The following ABCC1 variants were observed in gnomAD, a reference collection of about 807,000 sequenced individuals.
ABCC1 encodes the protein ATP binding cassette subfamily C member 1 (ABCC1 blood group), also known as multidrug resistance-associated protein 1.
In ABCC1, 83 loss-of-function variants were observed where a neutral mutation model predicts 172.9. The observed-to-expected ratio is 0.48, with a 90% CI of 0.40 to 0.58. The LOEUF (loss-of-function observed/expected upper bound fraction) is 0.58, where lower values mean the gene tolerates loss of function less well. ABCC1 is among the 20% of genes least tolerant of loss of function. The pLI, the probability that ABCC1 is intolerant of heterozygous loss-of-function variation, is 0.00. For missense variants in ABCC1, 1,817 were observed against 2,002.7 expected (o/e 0.91, Z 1.77); for synonymous variants, 937 against 825.2 (o/e 1.14, Z -2.32).
At chr16:16,075,726 C>T (rs2050533478) in intron 14 of ABCC1, among the ~76,000 whole-genome samples, 1 of 152,194 alleles carries the variant, frequency 6.6e-6, no homozygotes, top group Admixed American at 6.5e-5. Context: ...TGTTCCGTAT[C>T]CTCTTTTTTT....
chr16:15,986,625 A>G (rs2046750702), intron 1 of ABCC1, among the ~76,000 whole-genome samples: 1 of 152,226 alleles, frequency 6.6e-6, no homozygotes, highest in African/African-American at 2.4e-5. Flanking sequence ...ACTGTCTTCC[A>G]TGAAATCCAT....
At chr16:16,128,118 T>C (rs2045518259) in intron 26 of ABCC1, among the ~76,000 whole-genome samples, 2 of 151,768 alleles carry the variant, frequency 1.3e-5, no homozygotes, top group East Asian at 1.9e-4. Context: ...AATAGCCTCA[T>C]TGACATGTGA....
At chr16:15,996,746 C>G (rs1182341549) in intron 1 of ABCC1, among the ~76,000 whole-genome samples, 1 of 152,004 alleles carries the variant, frequency 6.6e-6, no homozygotes, top group Non-Finnish European at 1.5e-5. Context: ...AGTGAGCTGC[C>G]CGGTGCACGA....
Position 16,134,502 on chromosome 16 carries a change from C to T in ABCC1, c.4119C>T (p.Ile1373=). ...ACCTCCGCTTCAAGATCACCATCAT[C>T]CCCCAGGTGGGGTCTGGGTGTGGCC... ...LHDLRFKITI[I]PQDPVLFSGS... The change falls in exon 28 of 31, where the codon ATC becomes ATT. Residue 1373 remains isoleucine (I), a synonymous_variant. Transcript: ENST00000399410. The T allele has an allele frequency of 6.2e-7, 1 of 1,614,140 alleles. No homozygotes were observed. The highest frequency in any genetic ancestry group is 8.5e-7 in the Non-Finnish European group (1 of 1,180,040).
At chr16:16,023,680 T>A (rs9936158) in intron 5 of ABCC1, among the ~76,000 whole-genome samples, 2 of 151,654 alleles carry the variant, frequency 1.3e-5, no homozygotes, top group Non-Finnish European at 2.9e-5. Context: ...GGATGGACAG[T>A]GGGGGCTCTG....
chr16:15,965,608 A>G (rs1425205523), intron 1 of ABCC1, among the ~76,000 whole-genome samples: 1 of 146,864 alleles, frequency 6.8e-6, no homozygotes, highest in East Asian at 2.1e-4. Context: ...TCCCTTTTTA[A>G]CTTTTTTGAG....
chr16:16,045,978 A>G lies in ABCC1; in HGVS notation c.1183A>G (p.Ile395Val), dbSNP rs1165183221. Residue 395 changes from isoleucine (I) to valine (V), a missense_variant, in exon 9 of 31, where the codon ATC (isoleucine) becomes GTC (valine). Ile to Val is a conservative substitution (Grantham distance 29). Coordinates refer to ENST00000399410, the MANE Select transcript of ABCC1 (RefSeq NM_004996.4). ...FHICFVSGMR[I>V]KTAVIGAVYR... is the part of the protein sequence containing the mutation. ...CATCTGCTTCGTCAGTGGCATGAGG[A>G]TCAAGACCGCTGTCATTGGGGCTGT... The G allele has an allele frequency of 6.2e-7, 1 of 1,614,132 alleles. No individual in the cohort carries two copies. Among genetic ancestry groups the G allele is most frequent in the Admixed American group, 1.7e-5 (1 of 60,018 alleles).
intron 26 of ABCC1, among the ~76,000 whole-genome samples, chr16:16,127,800 C>G (rs555898671): frequency 1.6e-4 from 24 of 152,264 alleles, no homozygotes; most frequent in African/African-American, 5.1e-4. Context: ...GGTCCCATGT[C>G]ACGGGTGAGC....
At position 16,076,423 on chromosome 16, in the gene ABCC1, C is replaced by G. The variant is rs377598427; in HGVS notation, c.1988+22C>G. The G allele has an allele frequency of 1.1e-5, 18 of 1,590,134 alleles. No homozygotes were observed. The South Asian group carries it at 1.7e-4, about 15-fold the overall frequency. On this transcript the variant is annotated intron_variant, in intron 15 of 30. Transcript: ENST00000399410. Reference sequence around the variant, plus strand: ...ATGGGTAAGCCGGGACGTGGACACACGTGATGGTGTGGAGAGAGCCACAGG... The same window carrying G: ...ATGGGTAAGCCGGGACGTGGACACAGGTGATGGTGTGGAGAGAGCCACAGG...
rs1011460879 is a variant in ABCC1 at position 16,046,031 on chromosome 16, A to G, written c.1218+18A>G. 9.9e-6 allele frequency: 16 copies of G among 1,612,716 alleles called. No homozygotes were observed. Among genetic ancestry groups the G allele is most frequent in the South Asian group, 3.3e-5 (3 of 90,932 alleles). On this transcript the variant is annotated intron_variant, in intron 9 of 30. Coordinates refer to ENST00000399410, the MANE Select transcript of ABCC1 (RefSeq NM_004996.4). ...ATCGGAAGGTAGGGGACGCTGTGCC[A>G]TTGGCATGTGGCCCGACTTCCACAT...
chr16:16,043,591 C>T (rs777650448), intron 7 of ABCC1, among the ~76,000 whole-genome samples: 7 of 151,584 alleles, frequency 4.6e-5, no homozygotes, highest in East Asian at 1.9e-4. Context: ...TGAGCCACTG[C>T]GCCCAGCCTA....
intron 1 of ABCC1, among the ~76,000 whole-genome samples, chr16:15,983,770 CCT>C (rs1240990938): frequency 7.4e-5 from 9 of 120,922 alleles, no homozygotes; most frequent in African/African-American, 2.6e-4. Context: ...TGGCCAGGCT[CCT>C]CTCTAACTTC....
intron 1 of ABCC1, among the ~76,000 whole-genome samples, chr16:15,956,517 A>G (rs753376660): frequency 2.2e-4 from 33 of 151,630 alleles, no homozygotes; most frequent in Non-Finnish European, 4.6e-4. Flanking sequence ...TTGTTTTTTG[A>G]TAGAGATGGG....
intron 20 of ABCC1, among the ~76,000 whole-genome samples, chr16:16,104,041 G>T (rs993003788): frequency 1.3e-5 from 2 of 152,158 alleles, no homozygotes; most frequent in African/African-American, 4.8e-5. Flanking sequence ...AAGGTGGCGT[G>T]TCTGGAGTCG....
In ABCC1 at chr16:15,986,227, G is replaced by A. The variant is rs148376000; in HGVS notation, c.49-21589G>A. The stretch of plus-strand genomic sequence containing the variant: ...TGGGATTATAGGCATGAGCCACCAC[G>A]CCCTGCCTCAAATCTCCTTTTCTGA... On this transcript the variant is annotated intron_variant, in intron 1 of 30. Transcript: ENST00000399410. Among the ~76,000 whole-genome samples, 183 of 151,816 alleles carry A rather than the reference G, an allele frequency of 1.2e-3. 4 individuals are homozygous for A. The East Asian group carries it at 0.031, about 26-fold the overall frequency.
chr16:16,141,210 G>A lies in ABCC1; in HGVS notation c.4525G>A (p.Gly1509Ser), dbSNP rs766946070. 6.8e-6 allele frequency: 11 copies of A among 1,613,824 alleles called. No homozygotes were observed. The highest frequency in any genetic ancestry group is 3.3e-5 in the Admixed American group (2 of 59,966). Residue 1509 changes from glycine (G) to serine (S), a missense_variant, in exon 31 of 31, where the codon GGC becomes AGC. Gly to Ser is a moderately conservative substitution (Grantham distance 56, BLOSUM62 0). This residue lies in a region of ABCC1 where 1,412 missense variants were observed against 1,600.3 expected (regional missense o/e 0.88). Transcript: ENST00000399410. ...VLDKGEIQEYGAPSDLLQQRG... is the reference protein window; with the variant it reads ...VLDKGEIQEYSAPSDLLQQRG... ...GGACAAAGGAGAAATCCAGGAGTACGGCGCCCCATCGGACCTCCTGCAGCA... is the reference window on the plus strand; with the variant it reads ...GGACAAAGGAGAAATCCAGGAGTACAGCGCCCCATCGGACCTCCTGCAGCA...
chr16:16,080,414 A>G (rs1356381057), intron 16 of ABCC1, among the ~76,000 whole-genome samples: 1 of 152,214 alleles, frequency 6.6e-6, no homozygotes, highest in Non-Finnish European at 1.5e-5. Context: ...TACACAGTGT[A>G]CTTTGAAGTA....
At chr16:16,110,103 CT>C (rs145470101) in intron 21 of ABCC1, among the ~76,000 whole-genome samples, 287 of 143,704 alleles carry the variant, frequency 2.0e-3, no homozygotes, top group Middle Eastern at 3.6e-3. Context: ...GGTTTAACTC[CT>C]TTTTTTTTTT....
At position 16,053,774 on chromosome 16, in the gene ABCC1, CAAAAAAAAAAAAAAA is replaced by C. The variant is rs10526186; in HGVS notation, c.1473+984_1473+998del. Among the ~76,000 whole-genome samples the C allele has an allele frequency of 9.7e-4, 35 of 36,202 alleles. No homozygotes were observed. The South Asian group carries it at 0.015, about 16-fold the overall frequency. 23.7% of individuals were successfully genotyped at this position (36,202 alleles called of 152,430 possible). A position where few individuals can be genotyped will look rare whatever the true frequency, so the allele number is the denominator to read the frequency against. ...TGCACAACAGAGTGAGACCCTGTCT[CAAAAAAAAAAAAAAA>C]AAAAAAAAAAAAAAAAAAAAAAAAA... On this transcript the variant is annotated intron_variant, in intron 11 of 30. Transcript: ENST00000399410.
Sources: gnomAD v4.1 joint callset for allele counts (sites outside exome capture counted in the v4.1 genomes callset) on GRCh38, gnomAD v4.1.1 for gene constraint, gnomAD v4.1.1 regional missense constraint, MANE v1.5 for transcripts, NCBI Gene and HGNC (gene_info 2026-07-23, HGNC 2026-07-21) for gene names.